Variants in NEGR1 observed in about 807,000 individuals in gnomAD.
The protein encoded by NEGR1 is IgLON family member 4.
NEGR1 carries 10 observed loss-of-function variants against 40.9 expected under a neutral mutation model. The ratio of observed to expected loss-of-function variants is 0.24; its 90% confidence interval spans 0.15 to 0.42. The LOEUF (loss-of-function observed/expected upper bound fraction) is 0.42. Among genes scored for constraint, NEGR1 ranks in the 10% least tolerant of loss-of-function variants. The pLI is 1.00. For synonymous variants in NEGR1, 185 were observed against 166.8 expected (o/e 1.11, Z -0.84); for missense variants, 352 against 438.9 (o/e 0.80, Z 1.77).
rs569355322 is a variant in NEGR1, at chr1:72,121,807, C to T, written c.176+160512G>A. On this transcript the variant is annotated intron_variant, in intron 1 of 6. Transcript: ENST00000357731. Reference sequence around the variant, plus strand: ...ATAAAAGTGCAAACATTTGTTGTAACTTTCTGAGGTGAATTGCGTCTCATT... The same window carrying T: ...ATAAAAGTGCAAACATTTGTTGTAATTTTCTGAGGTGAATTGCGTCTCATT... Among the ~76,000 whole-genome samples, 43 of 152,042 alleles carry T rather than the reference C, an allele frequency of 2.8e-4. No individual in the cohort carries two copies. The South Asian group carries it at 8.9e-3, about 31-fold the overall frequency.
chr1:71,833,857 A>T (rs562726081), intron 2 of NEGR1, among the ~76,000 whole-genome samples: 17 of 152,274 alleles, frequency 1.1e-4, no homozygotes, highest in African/African-American at 4.1e-4. Flanking sequence ...GCATAAGCAT[A>T]GCATTTAAAC....
At chr1:71,552,408 A>C (rs949178221) in intron 6 of NEGR1, among the ~76,000 whole-genome samples, 1 of 149,738 alleles carries the variant, frequency 6.7e-6, no homozygotes. Flanking sequence ...CCACAAATTC[A>C]TACTTCCTCC....
chr1:71,562,644 AT>A (rs1648498711), intron 6 of NEGR1, among the ~76,000 whole-genome samples: 1 of 151,904 alleles, frequency 6.6e-6, no homozygotes, highest in Non-Finnish European at 1.5e-5. Context: ...TTACTTGGAT[AT>A]TTAGCTTGTT....
chr1:72,095,789 C>A (rs1026143942), intron 1 of NEGR1, among the ~76,000 whole-genome samples: 1 of 152,074 alleles, frequency 6.6e-6, no homozygotes, highest in Non-Finnish European at 1.5e-5. Context: ...TGATAGCAAG[C>A]CTTAACCCAA....
chr1:71,940,784 G>C (rs898999081), intron 1 of NEGR1, among the ~76,000 whole-genome samples: 1 of 152,130 alleles, frequency 6.6e-6, no homozygotes, highest in Non-Finnish European at 1.5e-5. Flanking sequence ...AGAGAGTGTA[G>C]CGAAAAATAG....
At chr1:71,654,881 C>T (rs1238473271) in intron 4 of NEGR1, among the ~76,000 whole-genome samples, 2 of 152,036 alleles carry the variant, frequency 1.3e-5, no homozygotes, top group Non-Finnish European at 2.9e-5. Flanking sequence ...TATTTTCCCA[C>T]TGAGAAAAAA....
intron 1 of NEGR1, among the ~76,000 whole-genome samples, chr1:72,181,789 G>A (rs1321063766): frequency 6.6e-6 from 1 of 152,078 alleles, no homozygotes; most frequent in Non-Finnish European, 1.5e-5. Flanking sequence ...GCCAAACACT[G>A]AGGGAAAAAT....
chr1:71,900,487 AAAG>A (rs1661114784), intron 2 of NEGR1, among the ~76,000 whole-genome samples: 1 of 152,148 alleles, frequency 6.6e-6, no homozygotes, highest in Non-Finnish European at 1.5e-5. Context: ...TTTTTTGAAA[AAAG>A]AAATAGTTCA....
At chr1:71,741,127 C>T (rs1655199676) in intron 3 of NEGR1, among the ~76,000 whole-genome samples, 1 of 152,136 alleles carries the variant, frequency 6.6e-6, no homozygotes, top group African/African-American at 2.4e-5. Flanking sequence ...TCAGAGCATT[C>T]ATTACTGCTC....
chr1:71,744,667 A>G (rs1244412541), intron 3 of NEGR1, among the ~76,000 whole-genome samples: 3 of 152,124 alleles, frequency 2.0e-5, no homozygotes, highest in Non-Finnish European at 2.9e-5. Context: ...AGGTATGTAG[A>G]CACCATCTGA....
At chr1:71,739,248 C>T (rs1344413717) in intron 3 of NEGR1, among the ~76,000 whole-genome samples, 9 of 150,862 alleles carry the variant, frequency 6.0e-5, no homozygotes, top group Non-Finnish European at 1.0e-4. Flanking sequence ...AGACTAGACT[C>T]GCTTAGCCTC....
At chr1:71,944,262 C>G (rs1414028971) in intron 1 of NEGR1, among the ~76,000 whole-genome samples, 1 of 152,142 alleles carries the variant, frequency 6.6e-6, no homozygotes, top group Non-Finnish European at 1.5e-5. Context: ...ATAATGAAAA[C>G]TACATTCAAA....
chr1:71,923,398 C>T (rs1024032612), intron 2 of NEGR1, among the ~76,000 whole-genome samples: 1 of 152,060 alleles, frequency 6.6e-6, no homozygotes, highest in East Asian at 1.9e-4. Context: ...CACACACACA[C>T]ACACTCACAT....
chr1:71,876,459 T>A lies in NEGR1; in HGVS notation c.409+58620A>T, dbSNP rs999844930. On this transcript the variant is annotated intron_variant, in intron 2 of 6. Transcript: ENST00000357731. Reference sequence around the variant, plus strand: ...AGGTTGAGGTTGCAGTAAGCCATGATGAAGCCACCACACTCTAGCCTGGGC... The same window carrying A: ...AGGTTGAGGTTGCAGTAAGCCATGAAGAAGCCACCACACTCTAGCCTGGGC... Among the ~76,000 whole-genome samples the A allele has an allele frequency of 2.3e-4, 35 of 151,510 alleles. No individual in the cohort carries two copies. In the Admixed American group the frequency reaches 2.3e-3, roughly 10 times the overall value.
At chr1:71,938,428 T>G (rs1302335914) in intron 1 of NEGR1, among the ~76,000 whole-genome samples, 1 of 150,536 alleles carries the variant, frequency 6.6e-6, no homozygotes, top group African/African-American at 2.5e-5. Context: ...TTTTTTTTTT[T>G]TTGGTCATTA....
intron 6 of NEGR1, among the ~76,000 whole-genome samples, chr1:71,522,256 C>A (rs1647163540): frequency 6.6e-6 from 1 of 151,822 alleles, no homozygotes; most frequent in Admixed American, 6.6e-5. Context: ...ATAATATATA[C>A]TAGGCAAGGG....
At chr1:71,480,301 T>C (rs1646845816) in intron 6 of NEGR1, among the ~76,000 whole-genome samples, 1 of 151,906 alleles carries the variant, frequency 6.6e-6, no homozygotes. Flanking sequence ...CCATGGACGT[T>C]AAGGAGCTTG....
rs1661559800 is a variant in NEGR1, at chr1:71,915,791, AAATT to A, written c.409+19284_409+19287del. Among the ~76,000 whole-genome samples, 3 of 152,346 alleles carry A rather than the reference AAATT, an allele frequency of 2.0e-5. No individual in the cohort carries two copies. The South Asian group carries it at 6.2e-4, about 32-fold the overall frequency. ...ATGGTTCCATTAGTAATAATAACATAAATTAATTCATTAAGAGATCATATATTGA... is the reference window on the plus strand; with the variant it reads ...ATGGTTCCATTAGTAATAATAACATAAATTCATTAAGAGATCATATATTGA... On this transcript the variant is annotated intron_variant, in intron 2 of 6. Transcript: ENST00000357731.
At chr1:71,450,688 T>C (rs1429303701) in intron 6 of NEGR1, among the ~76,000 whole-genome samples, 1 of 152,028 alleles carries the variant, frequency 6.6e-6, no homozygotes, top group African/African-American at 2.4e-5. Flanking sequence ...CGCATGCCTG[T>C]AATCCCAGGT....
Sources: allele counts gnomAD v4.1 joint callset (sites outside exome capture counted in the v4.1 genomes callset), GRCh38; gene constraint gnomAD v4.1.1; transcripts MANE v1.5; gene names NCBI Gene and HGNC (gene_info 2026-07-23, HGNC 2026-07-21).